CSMD1: variants seen among roughly 807,000 people sequenced by gnomAD.
CSMD1 encodes the protein CUB and sushi domain-containing protein 1.
A neutral mutation model predicts 417.5 loss-of-function variants in CSMD1; 213 were observed. That is an observed-to-expected ratio of 0.51 (90% confidence interval 0.46 to 0.57). CSMD1 has a LOEUF of 0.57. Among genes scored for constraint, CSMD1 ranks in the 20% least tolerant of loss-of-function variants. The pLI is 0.00. For synonymous variants in CSMD1, 2,862 were observed against 1,736.8 expected, an observed-to-expected ratio of 1.65 and a Z score of -16.11; for missense variants, 6,923 against 4,529.7, an observed-to-expected ratio of 1.53 and a Z score of -15.17.
At chr8:4,408,783 T>A (rs879505262) in intron 3 of CSMD1, among the ~76,000 whole-genome samples, 2 of 152,174 alleles carry the variant, frequency 1.3e-5, no homozygotes, top group Non-Finnish European at 2.9e-5. Context: ...GCCATTTTTC[T>A]GGCTCCATTT....
At chr8:4,894,256 A>C (rs1370100112) in intron 1 of CSMD1, among the ~76,000 whole-genome samples, 1 of 152,074 alleles carries the variant, frequency 6.6e-6, no homozygotes, top group African/African-American at 2.4e-5. Context: ...TTGATCTTTT[A>C]CCTATCAAGT....
intron 9 of CSMD1, among the ~76,000 whole-genome samples, chr8:3,580,968 A>C (rs184199843): frequency 3.8e-4 from 58 of 152,254 alleles, no homozygotes; most frequent in Admixed American, 7.2e-4. Flanking sequence ...CGCAATAATA[A>C]CTTTATTCCC....
At chr8:3,367,463 G>A (rs1300456515) in intron 19 of CSMD1, among the ~76,000 whole-genome samples, 1 of 151,824 alleles carries the variant, frequency 6.6e-6, no homozygotes, top group Non-Finnish European at 1.5e-5. Flanking sequence ...GAGATGGAGA[G>A]GAGAGAGAGA....
intron 9 of CSMD1, among the ~76,000 whole-genome samples, chr8:3,580,607 T>C (rs984884947): frequency 6.6e-6 from 1 of 152,180 alleles, no homozygotes; most frequent in Non-Finnish European, 1.5e-5. Context: ...ATATATTTTC[T>C]CCCAGGTGAC....
chr8:4,818,482 T>A (rs573097653), intron 1 of CSMD1, among the ~76,000 whole-genome samples: 11 of 152,182 alleles, frequency 7.2e-5, no homozygotes, highest in Non-Finnish European at 8.8e-5. Context: ...AGCAACAATT[T>A]TGATTTAGTT....
chr8:4,946,031 A>G (rs911597971), intron 1 of CSMD1, among the ~76,000 whole-genome samples: 1 of 152,160 alleles, frequency 6.6e-6, no homozygotes, highest in Non-Finnish European at 1.5e-5. Flanking sequence ...TGAACATCAG[A>G]CTTCTCCCGT....
At chr8:3,956,434 T>A (rs917933558) in intron 5 of CSMD1, among the ~76,000 whole-genome samples, 2 of 152,210 alleles carry the variant, frequency 1.3e-5, no homozygotes, top group African/African-American at 4.8e-5. Flanking sequence ...TTAGCCACTA[T>A]GCTGTTGCCT....
intron 6 of CSMD1, among the ~76,000 whole-genome samples, chr8:3,729,442 C>G (rs897166087): frequency 1.3e-5 from 2 of 152,110 alleles, no homozygotes; most frequent in African/African-American, 4.8e-5. Context: ...ATATAATATC[C>G]GCCAGTAGAT....
chr8:4,425,096 C>A (rs980238), intron 2 of CSMD1, among the ~76,000 whole-genome samples: 102,982 of 151,672 alleles, frequency 0.68, 35,177 homozygotes, highest in Middle Eastern at 0.75. Flanking sequence ...ATATATTCGC[C>A]TAAGTTAGGT....
intron 5 of CSMD1, among the ~76,000 whole-genome samples, chr8:3,759,847 G>A (rs866164784): frequency 3.4e-5 from 5 of 147,718 alleles, no homozygotes; most frequent in Non-Finnish European, 5.9e-5. Context: ...GGCAGAGGTT[G>A]CAGTGACCCG....
At chr8:4,826,636 C>G (rs189396874) in intron 1 of CSMD1, among the ~76,000 whole-genome samples, 54 of 152,238 alleles carry the variant, frequency 3.5e-4, no homozygotes, top group Non-Finnish European at 7.1e-4. Context: ...GAAATTGCTG[C>G]AGGCACTTGC....
At chr8:3,531,994 G>C (rs57542055) in intron 10 of CSMD1, among the ~76,000 whole-genome samples, 14,225 of 152,216 alleles carry the variant, frequency 0.093, 886 homozygotes, top group East Asian at 0.17. Flanking sequence ...ACAGATTCAT[G>C]CCCTATGCAG....
chr8:4,450,164 T>C (rs919786040), intron 2 of CSMD1, among the ~76,000 whole-genome samples: 1 of 152,148 alleles, frequency 6.6e-6, no homozygotes, highest in Non-Finnish European at 1.5e-5. Flanking sequence ...ATGGTTGATA[T>C]ACGTAGAGTA....
intron 21 of CSMD1, among the ~76,000 whole-genome samples, chr8:3,355,687 C>A (rs942659900): frequency 4.6e-5 from 7 of 152,160 alleles, no homozygotes; most frequent in Admixed American, 6.5e-5. Flanking sequence ...CTGAGAGATG[C>A]TGAGACCTCA....
chr8:4,226,073 C>T lies in CSMD1; in HGVS notation c.415+193880G>A, dbSNP rs916843431. 6.9e-5 allele frequency among the ~76,000 whole-genome samples: 6 copies of T among 87,158 alleles called. No homozygotes were observed. In the East Asian group the frequency reaches 2.0e-3, roughly 29 times the overall value. 57.2% of individuals were successfully genotyped at this position (87,158 alleles called of 152,430 possible). On this transcript the variant is annotated intron_variant, in intron 3 of 69. Coordinates refer to ENST00000635120, the MANE Select transcript of CSMD1 (RefSeq NM_033225.6). ...AGGTTAGAGCTGACAGGCGGACACACACACACACACACACACACACACACA... is the reference window on the plus strand; with the variant it reads ...AGGTTAGAGCTGACAGGCGGACACATACACACACACACACACACACACACA...
chr8:4,535,355 A>G (rs370763345), intron 2 of CSMD1, among the ~76,000 whole-genome samples: 1 of 152,114 alleles, frequency 6.6e-6, no homozygotes, highest in African/African-American at 2.4e-5. Context: ...TAGTTTATTT[A>G]TTGCTATTTT....
chr8:4,521,447 G>T (rs1271232467), intron 2 of CSMD1, among the ~76,000 whole-genome samples: 1 of 152,184 alleles, frequency 6.6e-6, no homozygotes, highest in African/African-American at 2.4e-5. Flanking sequence ...TATACCTGCT[G>T]CATTTTATGT....
chr8:4,188,382 A>G (rs1352816600), intron 3 of CSMD1, among the ~76,000 whole-genome samples: 2 of 152,180 alleles, frequency 1.3e-5, no homozygotes, highest in African/African-American at 2.4e-5. Flanking sequence ...ATAATAGCAA[A>G]CAACACAGGA....
intron 3 of CSMD1, among the ~76,000 whole-genome samples, chr8:4,237,837 G>A (rs562253565): frequency 6.6e-6 from 1 of 152,270 alleles, no homozygotes; most frequent in African/African-American, 2.4e-5. Context: ...AAAAAGGGAA[G>A]CTTTATATTG....
Sources: allele counts gnomAD v4.1 joint callset (sites outside exome capture counted in the v4.1 genomes callset), GRCh38; gene constraint gnomAD v4.1.1; transcripts MANE v1.5; gene names NCBI Gene and HGNC (gene_info 2026-07-23, HGNC 2026-07-21).